Variants in MTHFD1L observed in about 807,000 individuals in gnomAD.
The protein encoded by MTHFD1L is monofunctional C1-tetrahydrofolate synthase, mitochondrial.
A neutral mutation model predicts 119.5 loss-of-function variants in MTHFD1L; 81 were observed. The ratio of observed to expected loss-of-function variants is 0.68; its 90% CI spans 0.57 to 0.82. MTHFD1L has a LOEUF of 0.82. MTHFD1L is among the 40% of genes least tolerant of loss of function. The pLI, the probability that MTHFD1L is intolerant of heterozygous loss-of-function variation, is 0.00. For missense variants in MTHFD1L, 1,125 were observed against 1,253.4 expected (o/e 0.90, Z 1.55); for synonymous variants, 430 against 475.2 (o/e 0.90, Z 1.24).
chr6:150,930,916 A>T (rs1790927662), intron 11 of MTHFD1L, among the ~76,000 whole-genome samples: 1 of 152,214 alleles, frequency 6.6e-6, no homozygotes, highest in Non-Finnish European at 1.5e-5. Flanking sequence ...TCAACTACAT[A>T]TCGCATGGTA....
intron 18 of MTHFD1L, among the ~76,000 whole-genome samples, chr6:150,962,833 T>C (rs922612097): frequency 1.9e-4 from 29 of 152,166 alleles, no homozygotes; most frequent in African/African-American, 6.3e-4. Flanking sequence ...ACTCCTCTTC[T>C]TCCACCTGCT....
Position 150,866,491 on chromosome 6 carries a change from G to C in MTHFD1L, c.227+442G>C, listed in dbSNP as rs575534379. ...CGCCGGCTGGCCCGGGGTTCGGGAA[G>C]GGCAAGCGGAGCTCGGGAGAGGCGG... On this transcript the variant is annotated intron_variant, in intron 1 of 27. Transcript: ENST00000367321. The C allele has an allele frequency of 1.4e-5, 18 of 1,313,562 alleles. No homozygotes were observed. In the African/African-American group the frequency reaches 2.5e-4, roughly 18 times the overall value. 81.4% of individuals were successfully genotyped at this position (1,313,562 alleles called of 1,614,324 possible). A position where few individuals can be genotyped will look rare whatever the true frequency, so the allele number is the denominator to read the frequency against.
Position 151,041,349 on chromosome 6 carries a change from G to A in MTHFD1L, c.2847+4232G>A, listed in dbSNP as rs60681682. Among the ~76,000 whole-genome samples, 1,490 of 152,290 alleles carry A rather than the reference G, an allele frequency of 9.8e-3. 19 individuals carry two copies. The highest frequency in any genetic ancestry group is 0.033 in the African/African-American group (1,366 of 41,548). On this transcript the variant is annotated intron_variant, in intron 26 of 27. Transcript: ENST00000367321. ...GAAATGCCTTGAACATTCATCACCC[G>A]TGTGGGAGACAGGATAGTAATTTCC...
At chr6:151,092,782 T>C (rs1584456218) in intron 27 of MTHFD1L, among the ~76,000 whole-genome samples, 195 bp downstream of exon 27, 1 of 152,300 alleles carries the variant, frequency 6.6e-6, no homozygotes, top group South Asian at 2.1e-4. Context: ...CATGCTCAGA[T>C]GCTCAGTACA....
chr6:150,934,279 TCCACTCTCA>T (rs1791673914), intron 11 of MTHFD1L, among the ~76,000 whole-genome samples: 1 of 152,156 alleles, frequency 6.6e-6, no homozygotes, highest in African/African-American at 2.4e-5. Flanking sequence ...ACTGCCCCAA[TCCACTCTCA>T]GTTTTATCTA....
chr6:151,091,252 C>CGACTGGGTGCAGCATCGCTCCATGT (rs1794415920), intron 26 of MTHFD1L, among the ~76,000 whole-genome samples: 11 of 139,358 alleles, frequency 7.9e-5, no homozygotes, highest in African/African-American at 8.3e-5. Context: ...TCGTTCCATG[C>CGACTGGGTGCAGCATCGCTCCATGT]GACTGGGTGC....
At chr6:150,904,508 AT>A (rs1302016603) in intron 7 of MTHFD1L, among the ~76,000 whole-genome samples, 1 of 152,172 alleles carries the variant, frequency 6.6e-6, no homozygotes, top group East Asian at 1.9e-4. Context: ...AGTAACACCA[AT>A]CTCACTCCTT....
intron 24 of MTHFD1L, among the ~76,000 whole-genome samples, chr6:151,015,940 A>G (rs991307817): frequency 2.6e-5 from 4 of 152,258 alleles, no homozygotes; most frequent in Non-Finnish European, 5.9e-5. Flanking sequence ...TACAAAAATT[A>G]GGTGGGCATG....
chr6:150,966,372 G>A (rs768205533), intron 19 of MTHFD1L, among the ~76,000 whole-genome samples: 5 of 152,086 alleles, frequency 3.3e-5, no homozygotes, highest in Non-Finnish European at 5.9e-5. Context: ...GATCTCATGA[G>A]GACTCACTCA....
chr6:150,888,599 A>C (rs1782695009), intron 7 of MTHFD1L, among the ~76,000 whole-genome samples: 1 of 152,208 alleles, frequency 6.6e-6, no homozygotes, highest in Non-Finnish European at 1.5e-5. Flanking sequence ...ATCTTCATGG[A>C]GAAGATGCAA....
intron 20 of MTHFD1L, among the ~76,000 whole-genome samples, chr6:150,991,485 A>G (rs1232596043): frequency 6.6e-6 from 1 of 152,234 alleles, no homozygotes; most frequent in Non-Finnish European, 1.5e-5. Flanking sequence ...TAATGGAATC[A>G]TGGTGATTTT....
intron 20 of MTHFD1L, among the ~76,000 whole-genome samples, chr6:151,002,113 G>A (rs1293533050): frequency 6.6e-6 from 1 of 152,176 alleles, no homozygotes. Context: ...AGTACCAAGT[G>A]TTAAGATTTT....
rs869169480 is a variant in MTHFD1L at position 150,920,939 on chromosome 6, A to ATTTTTTTTTTTTTTTTTTT, written c.985-1255_985-1237dup. Reference sequence around the variant, plus strand: ...AGGCACATGCCACCACACCCAGATAATTTTTTTTTTTTTTTTTTTTTTTTT... The same window carrying ATTTTTTTTTTTTTTTTTTT: ...AGGCACATGCCACCACACCCAGATAATTTTTTTTTTTTTTTTTTTTTTTTTTTTTTTTTTTTTTTTTTTT... On this transcript the variant is annotated intron_variant, in intron 9 of 27. Transcript: ENST00000367321. 2.1e-5 allele frequency among the ~76,000 whole-genome samples: 2 copies of ATTTTTTTTTTTTTTTTTTT among 96,874 alleles called. 1 individual carries two copies. 63.6% of individuals were successfully genotyped at this position (96,874 alleles called of 152,430 possible).
intron 16 of MTHFD1L, among the ~76,000 whole-genome samples, chr6:150,949,844 G>A (rs1380843528): frequency 3.9e-5 from 6 of 152,112 alleles, no homozygotes; most frequent in South Asian, 2.1e-4. Flanking sequence ...GCATGATCTC[G>A]AGCAGGTCGC....
At position 150,866,855 on chromosome 6, in the gene MTHFD1L, G is replaced by A. The variant is rs547068741; in HGVS notation, c.227+806G>A. 2.6e-5 allele frequency among the ~76,000 whole-genome samples: 4 copies of A among 152,274 alleles called. No individual in the cohort carries two copies. In the South Asian group the frequency reaches 6.2e-4, roughly 24 times the overall value. On this transcript the variant is annotated intron_variant, in intron 1 of 27. Coordinates refer to ENST00000367321, the MANE Select transcript of MTHFD1L (RefSeq NM_015440.5). ...CCCGCCCTCGCCCAGAGGGGCGCAC[G>A]GGTCTCGGGCCTTGCAGGGCGAGCC...
In MTHFD1L at chr6:150,947,041, C is replaced by T. The variant is rs530524722; in HGVS notation, c.1623+1500C>T. On this transcript the variant is annotated intron_variant, in intron 15 of 27. Transcript: ENST00000367321. Reference sequence around the variant, plus strand: ...AGTGAGCCGAGATCGTGCCATTGCACTCCAGCCTGGGCAACAGAGCAAGAC... The same window carrying T: ...AGTGAGCCGAGATCGTGCCATTGCATTCCAGCCTGGGCAACAGAGCAAGAC... Among the ~76,000 whole-genome samples, 16 of 148,246 alleles carry T rather than the reference C, an allele frequency of 1.1e-4. 1 individual carries two copies. In the South Asian group the frequency reaches 3.1e-3, roughly 28 times the overall value.
chr6:151,030,686 G>T (rs922520427), intron 24 of MTHFD1L, among the ~76,000 whole-genome samples: 4 of 152,174 alleles, frequency 2.6e-5, no homozygotes, highest in Non-Finnish European at 5.9e-5. Flanking sequence ...TTATCATCTT[G>T]TGTGGCTATT....
chr6:150,985,705 C>T (rs1320345291), intron 20 of MTHFD1L, among the ~76,000 whole-genome samples: 1 of 151,370 alleles, frequency 6.6e-6, no homozygotes, highest in Non-Finnish European at 1.5e-5. Flanking sequence ...AGAAAACTCT[C>T]CTTTGAATTA....
chr6:151,099,670 T>A, intron 27 of MTHFD1L: 1 of 1,607,126 alleles, frequency 6.2e-7, no homozygotes. Flanking sequence ...TCGTAGAAGA[T>A]TCAGGGTCCA....
Sources: gnomAD v4.1 joint callset for allele counts (sites outside exome capture counted in the v4.1 genomes callset) on GRCh38, gnomAD v4.1.1 for gene constraint, MANE v1.5 for transcripts, NCBI Gene and HGNC (gene_info 2026-07-23, HGNC 2026-07-21) for gene names.